The following CNTNAP5 variants were observed in gnomAD, a reference collection of about 807,000 sequenced individuals.
The protein encoded by CNTNAP5 is contactin-associated protein-like 5.
A neutral mutation model predicts 150.2 loss-of-function variants in CNTNAP5; 72 were observed. That is an observed-to-expected ratio of 0.48 (90% confidence interval 0.40 to 0.58). The LOEUF (loss-of-function observed/expected upper bound fraction) is 0.58. Ranked by LOEUF, CNTNAP5 falls within the 20% of genes least tolerant of loss-of-function variation. The pLI, the probability that CNTNAP5 is intolerant of heterozygous loss-of-function variation, is 0.00. For missense variants in CNTNAP5, 1,636 were observed against 1,626.2 expected, an observed-to-expected ratio of 1.01 and a Z score of -0.10; for synonymous variants, 672 against 619.8, an observed-to-expected ratio of 1.08 and a Z score of -1.25.
chr2:124,784,344 G>A (rs966794481), intron 17 of CNTNAP5, among the ~76,000 whole-genome samples: 6 of 152,198 alleles, frequency 3.9e-5, no homozygotes, highest in Non-Finnish European at 8.8e-5. Context: ...TTGTGCTCAA[G>A]GAGGGTAAAA....
At chr2:124,298,151 G>C (rs1688487442) in intron 3 of CNTNAP5, among the ~76,000 whole-genome samples, 1 of 151,804 alleles carries the variant, frequency 6.6e-6, no homozygotes, top group Non-Finnish European at 1.5e-5. Context: ...TTTCTTATTT[G>C]TTTCTTTTTT....
intron 1 of CNTNAP5, 141 bp downstream of exon 1, chr2:124,025,873 T>TCTA: frequency 1.4e-6 from 1 of 738,684 alleles, no homozygotes; most frequent in Admixed American, 2.1e-5. Context: ...TGTGGTTCCA[T>TCTA]CACTCCAACC....
intron 3 of CNTNAP5, among the ~76,000 whole-genome samples, chr2:124,363,082 TGTG>T (rs1690262799): frequency 6.6e-6 from 1 of 152,194 alleles, no homozygotes. Flanking sequence ...TTGTGACAGT[TGTG>T]GTGAGTGATA....
intron 1 of CNTNAP5, among the ~76,000 whole-genome samples, chr2:124,078,951 G>C (rs752267168): frequency 6.6e-6 from 1 of 152,096 alleles, no homozygotes; most frequent in Non-Finnish European, 1.5e-5. Context: ...TAGGAAGCAG[G>C]GGTGATTACA....
intron 21 of CNTNAP5, among the ~76,000 whole-genome samples, chr2:124,886,096 T>C (rs1454129804): frequency 6.6e-6 from 1 of 152,050 alleles, no homozygotes; most frequent in African/African-American, 2.4e-5. Flanking sequence ...CTTACCATTC[T>C]CCTTGTCAAA....
intron 10 of CNTNAP5, among the ~76,000 whole-genome samples, chr2:124,541,361 G>T (rs1195468518): frequency 6.6e-6 from 1 of 151,450 alleles, no homozygotes. Flanking sequence ...AAAGGGTCAG[G>T]CTTCTAGTAA....
At chr2:124,162,372 C>A (rs1228855372) in intron 1 of CNTNAP5, among the ~76,000 whole-genome samples, 1 of 152,158 alleles carries the variant, frequency 6.6e-6, no homozygotes, top group Admixed American at 6.6e-5. Flanking sequence ...ATCTTATTAT[C>A]TTTACAGACA....
intron 4 of CNTNAP5, among the ~76,000 whole-genome samples, chr2:124,427,363 C>A (rs1355492337): frequency 6.6e-6 from 1 of 152,130 alleles, no homozygotes; most frequent in Non-Finnish European, 1.5e-5. Flanking sequence ...ACCAATCATA[C>A]ATTTTCCCTA....
At chr2:124,572,003 C>T (rs1403180923) in intron 11 of CNTNAP5, among the ~76,000 whole-genome samples, 1 of 152,098 alleles carries the variant, frequency 6.6e-6, no homozygotes, top group African/African-American at 2.4e-5. Context: ...AAGACTGTGG[C>T]AGTATTGGAA....
intron 8 of CNTNAP5, among the ~76,000 whole-genome samples, chr2:124,522,257 G>A (rs1694862033): frequency 6.6e-6 from 1 of 152,138 alleles, no homozygotes; most frequent in Non-Finnish European, 1.5e-5. Context: ...GGCTGCTTTG[G>A]GGCTGCTCTG....
intron 9 of CNTNAP5, among the ~76,000 whole-genome samples, chr2:124,526,650 A>G (rs1244288096): frequency 6.6e-6 from 1 of 152,218 alleles, no homozygotes; most frequent in Non-Finnish European, 1.5e-5. Flanking sequence ...AAAAAGGTAT[A>G]GTATTAACCT....
intron 3 of CNTNAP5, among the ~76,000 whole-genome samples, chr2:124,302,753 T>C (rs1201532498): frequency 6.6e-6 from 1 of 152,212 alleles, no homozygotes; most frequent in Non-Finnish European, 1.5e-5. Context: ...ATTTTTGTCA[T>C]CTGTAGATTT....
intron 12 of CNTNAP5, among the ~76,000 whole-genome samples, chr2:124,622,681 TCTCATTGGAAAACA>T (rs1207768474): frequency 6.6e-6 from 1 of 152,024 alleles, no homozygotes; most frequent in Admixed American, 6.6e-5. Flanking sequence ...TGACACGATA[TCTCATTGGAAAACA>T]CTCTACTTTC....
chr2:124,167,356 C>A (rs187800122), intron 1 of CNTNAP5, among the ~76,000 whole-genome samples: 25 of 152,238 alleles, frequency 1.6e-4, no homozygotes, highest in African/African-American at 5.8e-4. Context: ...AATAAAGTTT[C>A]TTTTACACTC....
intron 3 of CNTNAP5, among the ~76,000 whole-genome samples, chr2:124,413,574 C>T (rs1033520863): frequency 7.5e-6 from 1 of 133,324 alleles, no homozygotes; most frequent in African/African-American, 2.9e-5. Flanking sequence ...AGTTCATGTC[C>T]TTTGTAGGGA....
intron 1 of CNTNAP5, among the ~76,000 whole-genome samples, chr2:124,068,011 A>G (rs575932166): frequency 7.2e-5 from 11 of 152,338 alleles, no homozygotes; most frequent in Admixed American, 5.9e-4. Context: ...AAGGGAGTAC[A>G]CAAGTGGAGC....
intron 3 of CNTNAP5, among the ~76,000 whole-genome samples, chr2:124,415,861 A>T (rs917436797): frequency 6.6e-6 from 1 of 152,202 alleles, no homozygotes; most frequent in Admixed American, 6.5e-5. Flanking sequence ...ATTTACTCCA[A>T]TTAAAAAAAT....
chr2:124,786,456 A>AAGGAAGG (rs1681592024), intron 17 of CNTNAP5, among the ~76,000 whole-genome samples: 2 of 118,418 alleles, frequency 1.7e-5, no homozygotes, highest in South Asian at 3.1e-4. Flanking sequence ...GGAAAGAAAG[A>AAGGAAGG]AAGAAAGAAA....
intron 13 of CNTNAP5, among the ~76,000 whole-genome samples, chr2:124,737,966 T>G (rs1573583845): frequency 6.6e-6 from 1 of 152,180 alleles, no homozygotes; most frequent in East Asian, 1.9e-4. Context: ...GCTCAATTAA[T>G]TCTGGATGTT....
Sources: allele counts gnomAD v4.1 joint callset (sites outside exome capture counted in the v4.1 genomes callset), GRCh38; gene constraint gnomAD v4.1.1; transcripts MANE v1.5; gene names NCBI Gene and HGNC (gene_info 2026-07-23, HGNC 2026-07-21).